Variants in IMPA2 observed in about 807,000 individuals in gnomAD.
IMPA2 encodes the protein inositol monophosphatase 2, also known as IMP 2.
In IMPA2, 32 loss-of-function variants were observed where a neutral mutation model predicts 35.1. That is an observed-to-expected ratio of 0.91 (90% CI 0.69 to 1.23). The LOEUF is 1.23. Ranked by LOEUF, IMPA2 falls within the 50% of genes most tolerant of loss-of-function variation. The pLI is 0.00. For synonymous variants in IMPA2, 135 were observed against 160.6 expected (o/e 0.84, Z 1.20); for missense variants, 334 against 387.6 (o/e 0.86, Z 1.16).
chr18:12,006,896 C>T (rs544500606), intron 2 of IMPA2, among the ~76,000 whole-genome samples: 4 of 152,246 alleles, frequency 2.6e-5, no homozygotes, highest in Admixed American at 2.0e-4. Context: ...CTTTGGGAGC[C>T]TGAGGTGGGC....
intron 1 of IMPA2, among the ~76,000 whole-genome samples, chr18:11,992,222 C>G (rs1189121353): frequency 6.6e-6 from 1 of 152,252 alleles, no homozygotes; most frequent in African/African-American, 2.4e-5. Context: ...ACAACACATT[C>G]ACTTGTGTTG....
At chr18:12,007,271 C>G (rs668410) in intron 2 of IMPA2, among the ~76,000 whole-genome samples, 3,041 of 152,276 alleles carry the variant, frequency 0.02, 101 homozygotes, top group African/African-American at 0.07. Flanking sequence ...AGCCGCTCAC[C>G]CACGTGACTG....
At chr18:12,029,739 G>GC (rs1214495767) in intron 7 of IMPA2, among the ~76,000 whole-genome samples, 1 of 152,168 alleles carries the variant, frequency 6.6e-6, no homozygotes, top group Non-Finnish European at 1.5e-5. Flanking sequence ...ATATTTTAAA[G>GC]CCCCCATCAC....
intron 1 of IMPA2, among the ~76,000 whole-genome samples, chr18:11,990,000 C>G (rs542094494): frequency 6.6e-6 from 1 of 152,152 alleles, no homozygotes; most frequent in Non-Finnish European, 1.5e-5. Flanking sequence ...AGGGGAGTTC[C>G]GGAGTCTAGG....
chr18:11,989,367 G>T (rs1906748921), intron 1 of IMPA2, among the ~76,000 whole-genome samples: 1 of 152,202 alleles, frequency 6.6e-6, no homozygotes, highest in African/African-American at 2.4e-5. Flanking sequence ...TGCCTCGCCT[G>T]GTCCACACCT....
intron 6 of IMPA2, chr18:12,028,412 G>A (rs1907942703): frequency 5.9e-6 from 3 of 505,626 alleles, no homozygotes; most frequent in East Asian, 3.1e-5. Context: ...CTCAACCAGC[G>A]AATGGTGCAA....
chr18:12,000,334 C>CT (rs533943091), intron 2 of IMPA2, among the ~76,000 whole-genome samples: 1,569 of 111,202 alleles, frequency 0.014, 26 homozygotes, highest in African/African-American at 0.036. Flanking sequence ...CCACCTGGCT[C>CT]TTTTTTTTTT....
At chr18:12,026,266 C>A (rs1907880540) in intron 5 of IMPA2, among the ~76,000 whole-genome samples, 1 of 152,102 alleles carries the variant, frequency 6.6e-6, no homozygotes, top group African/African-American at 2.4e-5. Flanking sequence ...CTCCCAGCCT[C>A]AGGTGATCTG....
At chr18:12,024,979 C>T (rs1299377216) in intron 5 of IMPA2, among the ~76,000 whole-genome samples, 1 of 152,200 alleles carries the variant, frequency 6.6e-6, no homozygotes, top group East Asian at 1.9e-4. Flanking sequence ...AAGGCATCCA[C>T]CATTACAGTA....
At chr18:12,017,894 ATTTTTAAAATATAGAG>A (rs1907623823) in intron 5 of IMPA2, 1 of 239,222 alleles carries the variant, frequency 4.2e-6, no homozygotes, top group Non-Finnish European at 8.3e-6. Context: ...ACCTGACCAT[ATTTTTAAAATATAGAG>A]TCGATAATGA....
At chr18:11,989,118 G>A (rs1439643046) in intron 1 of IMPA2, among the ~76,000 whole-genome samples, 2 of 152,220 alleles carry the variant, frequency 1.3e-5, no homozygotes, top group African/African-American at 2.4e-5. Flanking sequence ...GCCATGTCCC[G>A]GACAGGAGGA....
At chr18:12,022,082 CCATT>C (rs72420213) in intron 5 of IMPA2, among the ~76,000 whole-genome samples, 17,829 of 152,010 alleles carry the variant, frequency 0.12, 1,502 homozygotes, top group East Asian at 0.42. Flanking sequence ...CTTCAGCATA[CCATT>C]CAATGACATT....
chr18:12,009,102 A>G (rs953130157), intron 2 of IMPA2, among the ~76,000 whole-genome samples: 5 of 152,104 alleles, frequency 3.3e-5, no homozygotes, highest in African/African-American at 1.2e-4. Context: ...ATGTAGCAAG[A>G]CCCCACCTCT....
chr18:11,998,294 C>T (rs976161073), intron 1 of IMPA2, among the ~76,000 whole-genome samples: 1 of 152,216 alleles, frequency 6.6e-6, no homozygotes, highest in African/African-American at 2.4e-5. Context: ...TTTGGGTTTT[C>T]CTGGGGTTCT....
At chr18:11,988,186 A>ACAAAATTTAAAATTTT (rs1196134097) in intron 1 of IMPA2, among the ~76,000 whole-genome samples, 5 of 151,662 alleles carry the variant, frequency 3.3e-5, no homozygotes, top group Admixed American at 6.6e-5. Flanking sequence ...TTGTATTTTT[A>ACAAAATTTAAAATTTT]GTAGAGATGG....
chr18:12,001,064 A>G (rs1279923173), intron 2 of IMPA2, among the ~76,000 whole-genome samples: 1 of 151,660 alleles, frequency 6.6e-6, no homozygotes, highest in Non-Finnish European at 1.5e-5. Flanking sequence ...CCTCGTCCCT[A>G]CTAAGAATGC....
At position 12,007,899 on chromosome 18, in the gene IMPA2, T is replaced by A. The variant is rs112477013; in HGVS notation, c.231-1984T>A. 5.3e-3 allele frequency among the ~76,000 whole-genome samples: 812 copies of A among 152,160 alleles called. 9 individuals are homozygous for A. Among genetic ancestry groups the A allele is most frequent in the African/African-American group, 0.017 (704 of 41,510 alleles). On this transcript the variant is annotated intron_variant, in intron 2 of 7. Transcript: ENST00000269159. Reference sequence around the variant, plus strand: ...TTCAAGCGATTCTCCTGCCTCAGACTCCCAAGCAGCTGGGATTATAGGCGT... The same window carrying A: ...TTCAAGCGATTCTCCTGCCTCAGACACCCAAGCAGCTGGGATTATAGGCGT...
At position 12,027,590 on chromosome 18, in the gene IMPA2, T is replaced by A. The variant is rs12604994; in HGVS notation, c.491-453T>A. On this transcript the variant is annotated intron_variant, in intron 5 of 7. Coordinates refer to ENST00000269159, the MANE Select transcript of IMPA2 (RefSeq NM_014214.3). ...TGATTTTTTTTTTTTTTTTTTTTTT[T>A]AAAGAAACAGGGACTTGCTCTGTCC... Among the ~76,000 whole-genome samples the A allele has an allele frequency of 1.5e-3, 194 of 129,074 alleles. 1 individual carries two copies. Among genetic ancestry groups the A allele is most frequent in the East Asian group, 3.2e-3 (11 of 3,440 alleles). 84.7% of individuals were successfully genotyped at this position (129,074 alleles called of 152,430 possible). A position where few individuals can be genotyped will look rare whatever the true frequency, so the allele number is the denominator to read the frequency against.
rs779697437 is a variant in IMPA2, at chr18:12,014,367, G to A, written c.484G>A (p.Glu162Lys). 1 of 1,581,026 alleles carries A rather than the reference G, an allele frequency of 6.3e-7. No homozygotes were observed. Among genetic ancestry groups the A allele is most frequent in the South Asian group, 1.1e-5 (1 of 87,628 alleles). Residue 162 changes from glutamate (E) to lysine (K), a missense_variant, in exon 5 of 8, where the codon GAG (glutamate) becomes AAG (lysine). Transcript: ENST00000269159. Reference protein sequence around the residue: ...CNGQRLRVSGETDLSKALVLT... With the variant: ...CNGQRLRVSGKTDLSKALVLT... The stretch of plus-strand genomic sequence containing the variant: ...TGGCCAGCGGCTCCGGGTCTCCGGG[G>A]AGACAGGTGGGCTTCACAACGCTCG...
Sources: allele counts gnomAD v4.1 joint callset (sites outside exome capture counted in the v4.1 genomes callset), GRCh38; gene constraint gnomAD v4.1.1; transcripts MANE v1.5; gene names NCBI Gene and HGNC (gene_info 2026-07-23, HGNC 2026-07-21).